The following KCNH5 variants were observed in gnomAD, a reference collection of about 807,000 sequenced individuals.
KCNH5 encodes the protein potassium voltage-gated channel subfamily H member 5, also known as voltage-gated delayed rectifier potassium channel KCNH5.
KCNH5 carries 46 observed loss-of-function variants against 96.1 expected under a neutral mutation model. That is an observed-to-expected ratio of 0.48 (90% CI 0.38 to 0.61). The LOEUF (loss-of-function observed/expected upper bound fraction) is 0.61, where lower values mean the gene tolerates loss of function less well. Among genes scored for constraint, KCNH5 ranks in the 20% least tolerant of loss-of-function variants. KCNH5 has a pLI of 0.00. For missense variants in KCNH5, 907 were observed against 1,225.8 expected (o/e 0.74, Z 3.88); for synonymous variants, 439 against 449.8 (o/e 0.98, Z 0.30).
rs11455239 is a variant in KCNH5, at chr14:62,714,129, T to TAA, written c.2020-5676_2020-5675dup. On this transcript the variant is annotated intron_variant, in intron 10 of 10. Transcript: ENST00000322893. The stretch of plus-strand genomic sequence containing the variant: ...GAGACCCTATCTCTACAATAAAATT[T>TAA]AAAAAAAAAAATAGATATGCATGGT... 4.7e-3 allele frequency among the ~76,000 whole-genome samples: 711 copies of TAA among 150,140 alleles called. 23 individuals are homozygous for TAA. The East Asian group carries it at 0.064, about 14-fold the overall frequency.
intron 6 of KCNH5, among the ~76,000 whole-genome samples, chr14:62,971,397 T>C (rs1054248055): frequency 6.6e-6 from 1 of 152,180 alleles, no homozygotes; most frequent in Non-Finnish European, 1.5e-5. Context: ...TGTTCATGGA[T>C]AGTAAGACTC....
chr14:62,844,019 G>C (rs899423677), intron 8 of KCNH5, among the ~76,000 whole-genome samples: 1 of 152,128 alleles, frequency 6.6e-6, no homozygotes, highest in Non-Finnish European at 1.5e-5. Context: ...TTCTCTGATA[G>C]ATTCGGTTAA....
chr14:62,941,645 C>A (rs1407559696), intron 7 of KCNH5, among the ~76,000 whole-genome samples: 1 of 152,196 alleles, frequency 6.6e-6, no homozygotes, highest in Non-Finnish European at 1.5e-5. Flanking sequence ...CTCTCCCCAT[C>A]TGGCTAAAAC....
intron 7 of KCNH5, among the ~76,000 whole-genome samples, chr14:62,876,777 G>C (rs191734692): frequency 2.8e-4 from 42 of 152,284 alleles, no homozygotes; most frequent in Non-Finnish European, 1.5e-5. Flanking sequence ...AAGCACACCT[G>C]TTTGGTCAAT....
chr14:62,952,756 T>C (rs1890030704), intron 6 of KCNH5, among the ~76,000 whole-genome samples: 1 of 152,100 alleles, frequency 6.6e-6, no homozygotes, highest in African/African-American at 2.4e-5. Flanking sequence ...AACTAGAATG[T>C]CATGAGTTAG....
intron 7 of KCNH5, among the ~76,000 whole-genome samples, chr14:62,879,842 T>C (rs1888457266): frequency 1.3e-5 from 2 of 152,198 alleles, no homozygotes; most frequent in African/African-American, 2.4e-5. Context: ...TTGTGCATTA[T>C]GATTTGCTCA....
chr14:62,877,091 TC>T, intron 7 of KCNH5, among the ~76,000 whole-genome samples: 1 of 152,286 alleles, frequency 6.6e-6, no homozygotes. Context: ...TTGATCTATA[TC>T]TCTGGATTCC....
chr14:62,941,450 C>T (rs1352387360), intron 7 of KCNH5, among the ~76,000 whole-genome samples: 1 of 152,158 alleles, frequency 6.6e-6, no homozygotes, highest in Non-Finnish European at 1.5e-5. Context: ...GACTACACAT[C>T]TGAGACTGCT....
At chr14:62,877,199 T>A (rs1888392091) in intron 7 of KCNH5, among the ~76,000 whole-genome samples, 1 of 151,872 alleles carries the variant, frequency 6.6e-6, no homozygotes, top group South Asian at 2.1e-4. Context: ...TAATTCAAGA[T>A]GGATTAAAGA....
chr14:62,855,421 T>A (rs1446322502), intron 7 of KCNH5, among the ~76,000 whole-genome samples: 1 of 152,176 alleles, frequency 6.6e-6, no homozygotes, highest in South Asian at 2.1e-4. Context: ...AACTAAGTAG[T>A]TTTCAGGACC....
At chr14:62,896,566 C>T (rs1378498153) in intron 7 of KCNH5, among the ~76,000 whole-genome samples, 4 of 152,142 alleles carry the variant, frequency 2.6e-5, no homozygotes, top group Non-Finnish European at 4.4e-5. Context: ...GGTAGATTCA[C>T]GGTTCAGTTT....
intron 6 of KCNH5, among the ~76,000 whole-genome samples, chr14:62,954,547 A>G (rs563902187): frequency 6.6e-6 from 1 of 152,378 alleles, no homozygotes; most frequent in South Asian, 2.1e-4. Flanking sequence ...TTGATTAATT[A>G]CAAACTCAGA....
chr14:62,712,383 T>G (rs545319008), intron 10 of KCNH5: 2 of 436,234 alleles, frequency 4.6e-6, no homozygotes, highest in East Asian at 7.5e-5. Context: ...TTAAGTGTCA[T>G]GGAATGAGAA....
chr14:62,840,136 C>T (rs1887546576), intron 8 of KCNH5, among the ~76,000 whole-genome samples: 2 of 152,116 alleles, frequency 1.3e-5, no homozygotes, highest in South Asian at 4.1e-4. Context: ...ACCATAGTTT[C>T]CTTCCATATG....
rs1358324879 is a variant in KCNH5, at chr14:62,849,793, T to C, written c.1429A>G (p.Asn477Asp). 1.2e-6 allele frequency: 2 copies of C among 1,613,906 alleles called. No homozygotes were observed. The highest frequency in any genetic ancestry group is 1.7e-6 in the Non-Finnish European group (2 of 1,179,828). ...VTTIFQQMYA[N>D]TNRYHEMLNN... ...AGCATCTCATGGTATCGGTTGGTGTTGGCATACATTTGCTGGAAAATTGTT... is the reference window on the plus strand; with the variant it reads ...AGCATCTCATGGTATCGGTTGGTGTCGGCATACATTTGCTGGAAAATTGTT... Residue 477 changes from asparagine (N) to aspartate (D), a missense_variant, in exon 8 of 11, where the codon AAC becomes GAC. By Grantham distance (23) the Asn-to-Asp change is conservative. Coordinates refer to ENST00000322893, the MANE Select transcript of KCNH5 (RefSeq NM_139318.5).
intron 10 of KCNH5, among the ~76,000 whole-genome samples, chr14:62,771,163 C>T (rs1337908842): frequency 6.6e-6 from 1 of 152,170 alleles, no homozygotes; most frequent in Non-Finnish European, 1.5e-5. Context: ...TGATTTTGGA[C>T]TTCTAACCTC....
intron 8 of KCNH5, among the ~76,000 whole-genome samples, chr14:62,820,249 T>G (rs1466975797): frequency 6.6e-6 from 1 of 152,192 alleles, no homozygotes; most frequent in African/African-American, 2.4e-5. Flanking sequence ...TATGCAATTA[T>G]TTAATTAACT....
rs116887865 is a variant in KCNH5, at chr14:62,745,576, C to T, written c.2019+34152G>A. Among the ~76,000 whole-genome samples, 158 of 152,206 alleles carry T rather than the reference C, an allele frequency of 1.0e-3. 1 individual carries two copies. The highest frequency in any genetic ancestry group is 3.7e-3 in the Admixed American group (57 of 15,286). On this transcript the variant is annotated intron_variant, in intron 10 of 10. Coordinates refer to ENST00000322893, the MANE Select transcript of KCNH5 (RefSeq NM_139318.5). The stretch of plus-strand genomic sequence containing the variant: ...CAATCCCTGGAATAAGGACTTTGGT[C>T]AGAAGCCAGGGCCAGAGAGACTCCA...
chr14:62,876,747 A>T (rs1378934580), intron 7 of KCNH5, among the ~76,000 whole-genome samples: 1 of 152,238 alleles, frequency 6.6e-6, no homozygotes, highest in African/African-American at 2.4e-5. Context: ...TCAGTGAAAC[A>T]GAATAGAGTC....
Sources: allele counts gnomAD v4.1 joint callset (sites outside exome capture counted in the v4.1 genomes callset), GRCh38; gene constraint gnomAD v4.1.1; transcripts MANE v1.5; gene names NCBI Gene and HGNC (gene_info 2026-07-23, HGNC 2026-07-21).